PTPRD: variants seen among roughly 807,000 people sequenced by gnomAD.
PTPRD encodes the protein receptor-type tyrosine-protein phosphatase delta.
Under a neutral mutation model 214.5 loss-of-function variants are expected in PTPRD, and 34 were observed. The ratio of observed to expected loss-of-function variants is 0.16; its 90% CI spans 0.12 to 0.21. The LOEUF (loss-of-function observed/expected upper bound fraction) is 0.21, where lower values mean the gene tolerates loss of function less well. Among genes scored for constraint, PTPRD ranks in the 10% least tolerant of loss-of-function variants. PTPRD has a pLI of 1.00. For synonymous variants in PTPRD, 1,128 were observed against 845.7 expected (o/e 1.33, Z -5.79); for missense variants, 2,545 against 2,398.7 (o/e 1.06, Z -1.27).
rs2096746848 is a variant in PTPRD at position 8,475,579 on chromosome 9, C to CT, written c.3414-4495dup. On this transcript the variant is annotated intron_variant, in intron 30 of 45. Transcript: ENST00000381196. ...TTCTGAATTCCACTGGTTTATCTGA[C>CT]TTTAAGTTACAAAAGTACCCCCAAT... Among the ~76,000 whole-genome samples, 6 of 152,244 alleles carry CT rather than the reference C, an allele frequency of 3.9e-5. No individual in the cohort carries two copies. In the South Asian group the frequency reaches 1.2e-3, roughly 32 times the overall value.
chr9:8,800,295 G>C (rs1239080291), intron 11 of PTPRD, among the ~76,000 whole-genome samples: 7 of 152,032 alleles, frequency 4.6e-5, no homozygotes, highest in African/African-American at 1.7e-4. Flanking sequence ...TTCTGTCAGA[G>C]GCATGTGAGC....
intron 8 of PTPRD, among the ~76,000 whole-genome samples, chr9:9,520,028 T>C (rs950371359): frequency 6.6e-6 from 1 of 151,258 alleles, no homozygotes; most frequent in Non-Finnish European, 1.5e-5. Context: ...TTCTTTAGAA[T>C]AAAGTTGGTA....
intron 5 of PTPRD, among the ~76,000 whole-genome samples, chr9:9,787,602 A>G (rs538426236): frequency 5.9e-5 from 9 of 152,086 alleles, no homozygotes; most frequent in African/African-American, 1.9e-4. Context: ...AGGAATGGAG[A>G]AAAACATACC....
intron 11 of PTPRD, among the ~76,000 whole-genome samples, chr9:8,946,373 G>C (rs1004479737): frequency 6.6e-6 from 1 of 152,108 alleles, no homozygotes; most frequent in Non-Finnish European, 1.5e-5. Context: ...CGAGGGTTTT[G>C]TTGGAGTACT....
rs568839147 is a variant in PTPRD, at chr9:8,602,832, T to C, written c.352+30485A>G. Among the ~76,000 whole-genome samples, 90 of 152,376 alleles carry C rather than the reference T, an allele frequency of 5.9e-4. 1 individual carries two copies. The South Asian group carries it at 0.018, about 30-fold the overall frequency. ...CAAAATGAATGTGAATATCTTTCTA[T>C]ATCTGTATCCTAGCTTTAATTCCAT... On this transcript the variant is annotated intron_variant, in intron 14 of 45. Coordinates refer to ENST00000381196, the MANE Select transcript of PTPRD (RefSeq NM_002839.4).
At chr9:10,286,883 C>T (rs1367734372) in intron 3 of PTPRD, among the ~76,000 whole-genome samples, 4 of 152,092 alleles carry the variant, frequency 2.6e-5, no homozygotes, top group African/African-American at 4.8e-5. Context: ...ACAGGCATAA[C>T]CCACCGTGCA....
chr9:10,360,845 G>C (rs1026162225), intron 2 of PTPRD, among the ~76,000 whole-genome samples: 2 of 152,198 alleles, frequency 1.3e-5, no homozygotes, highest in East Asian at 1.9e-4. Flanking sequence ...GCTCACGCCT[G>C]TAATCCCAGC....
intron 10 of PTPRD, among the ~76,000 whole-genome samples, chr9:9,173,858 T>C (rs1041784261): frequency 5.9e-5 from 9 of 152,244 alleles, no homozygotes; most frequent in Middle Eastern, 3.4e-3. Context: ...TACTCTAATG[T>C]GTTCTTGTTC....
intron 8 of PTPRD, among the ~76,000 whole-genome samples, chr9:9,551,585 A>C (rs1013730703): frequency 6.6e-6 from 1 of 151,972 alleles, no homozygotes; most frequent in Non-Finnish European, 1.5e-5. Context: ...TACAGGCTGA[A>C]GATATTACAT....
At chr9:10,167,889 T>G (rs2154294719) in intron 3 of PTPRD, among the ~76,000 whole-genome samples, 1 of 152,164 alleles carries the variant, frequency 6.6e-6, no homozygotes, top group East Asian at 1.9e-4. Context: ...TCATACTGTG[T>G]GATAGAAGAG....
intron 2 of PTPRD, among the ~76,000 whole-genome samples, chr9:10,595,077 C>A (rs890352257): frequency 6.6e-6 from 1 of 151,754 alleles, no homozygotes; most frequent in Non-Finnish European, 1.5e-5. Context: ...TTTAAAATAA[C>A]CAATTTGCTT....
intron 6 of PTPRD, among the ~76,000 whole-genome samples, chr9:9,745,490 C>T (rs1402548058): frequency 6.6e-6 from 1 of 152,078 alleles, no homozygotes; most frequent in Non-Finnish European, 1.5e-5. Flanking sequence ...TATTAAATTT[C>T]CCTCTCTTTA....
chr9:9,220,879 AC>A (rs2099955542), intron 9 of PTPRD, among the ~76,000 whole-genome samples: 2 of 152,070 alleles, frequency 1.3e-5, no homozygotes, highest in Non-Finnish European at 2.9e-5. Flanking sequence ...AAGAGGTACT[AC>A]AATTTATTTT....
chr9:9,676,387 T>C (rs1157694105), intron 7 of PTPRD, among the ~76,000 whole-genome samples: 1 of 151,636 alleles, frequency 6.6e-6, no homozygotes, highest in Non-Finnish European at 1.5e-5. Flanking sequence ...TTTGGTTTTT[T>C]GTCCTTGTGA....
chr9:9,650,903 A>G (rs921011024), intron 7 of PTPRD, among the ~76,000 whole-genome samples: 5 of 152,116 alleles, frequency 3.3e-5, no homozygotes, highest in Non-Finnish European at 7.4e-5. Flanking sequence ...TAAATGTTAC[A>G]TTTATAAATT....
chr9:10,393,100 T>C (rs946353662), intron 2 of PTPRD, among the ~76,000 whole-genome samples: 2 of 151,890 alleles, frequency 1.3e-5, no homozygotes, highest in East Asian at 3.9e-4. Flanking sequence ...ACAGTGTTTG[T>C]AGTTTGTAGT....
At chr9:9,425,227 G>A (rs919121916) in intron 8 of PTPRD, among the ~76,000 whole-genome samples, 9 of 151,912 alleles carry the variant, frequency 5.9e-5, no homozygotes, top group Admixed American at 4.6e-4. Context: ...GAAGAACCAT[G>A]GCAGCTGTCA....
intron 3 of PTPRD, among the ~76,000 whole-genome samples, chr9:10,214,048 A>G (rs2099529371): frequency 6.6e-6 from 1 of 152,216 alleles, no homozygotes; most frequent in East Asian, 1.9e-4. Context: ...AAATCCTTCA[A>G]TAAGCCCCTC....
chr9:9,554,828 T>C (rs1178578921), intron 8 of PTPRD, among the ~76,000 whole-genome samples: 4 of 152,068 alleles, frequency 2.6e-5, no homozygotes, highest in Non-Finnish European at 4.4e-5. Flanking sequence ...GGTATAATCA[T>C]AGGTCAATAA....
Sources: allele counts gnomAD v4.1 joint callset (sites outside exome capture counted in the v4.1 genomes callset), GRCh38; gene constraint gnomAD v4.1.1; transcripts MANE v1.5; gene names NCBI Gene and HGNC (gene_info 2026-07-23, HGNC 2026-07-21).